Variants in SPTLC1 observed in about 807,000 individuals in gnomAD.
SPTLC1 encodes the protein serine palmitoyltransferase 1.
A neutral mutation model predicts 68.9 loss-of-function variants in SPTLC1; 55 were observed. That is an observed-to-expected ratio of 0.80 (90% CI 0.64 to 1.00). The LOEUF is 1.00. Ranked by LOEUF, SPTLC1 falls within the 50% of genes least tolerant of loss-of-function variation. The probability of loss-of-function intolerance (pLI) is 0.00; values close to 1 mark genes in which losing one functional copy is unlikely to be tolerated. For synonymous variants in SPTLC1, 197 were observed against 201.6 expected (o/e 0.98, Z 0.19); for missense variants, 449 against 573.1 (o/e 0.78, Z 2.21).
At chr9:92,072,460 G>T (rs753875248) in intron 5 of SPTLC1, among the ~76,000 whole-genome samples, 4 of 152,160 alleles carry the variant, frequency 2.6e-5, no homozygotes, top group African/African-American at 4.8e-5. Flanking sequence ...CCATTCGCCA[G>T]CCACACAACC....
chr9:92,100,356 T>C (rs1157385527), intron 3 of SPTLC1, among the ~76,000 whole-genome samples: 1 of 152,182 alleles, frequency 6.6e-6, no homozygotes, highest in Non-Finnish European at 1.5e-5. Context: ...CTGAGTATAT[T>C]CTGTTCCATG....
chr9:92,087,047 C>G (rs890860836), intron 3 of SPTLC1, among the ~76,000 whole-genome samples: 13 of 152,240 alleles, frequency 8.5e-5, no homozygotes, highest in Non-Finnish European at 1.9e-4. Flanking sequence ...GCTCCTGAGG[C>G]TTCTGCATTC....
intron 14 of SPTLC1, among the ~76,000 whole-genome samples, chr9:92,033,952 C>T (rs1833056376): frequency 6.6e-6 from 1 of 152,210 alleles, no homozygotes; most frequent in Non-Finnish European, 1.5e-5. Context: ...CCAGTGGGCT[C>T]TCCTGCAGCC....
In SPTLC1 at chr9:92,059,123, T is replaced by C. The variant is rs555276896; in HGVS notation, c.690+56A>G. ...TGACAAATTACCATTTCATATATAA[T>C]TTAGCTGGTTAGAAAGTACAAAAGA... On this transcript the variant is annotated intron_variant, in intron 7 of 14. Coordinates refer to ENST00000262554, the MANE Select transcript of SPTLC1 (RefSeq NM_006415.4). 14 of 1,591,206 alleles carry C rather than the reference T, an allele frequency of 8.8e-6. 1 individual carries two copies. In the East Asian group the frequency reaches 1.8e-4, roughly 20 times the overall value.
intron 6 of SPTLC1, among the ~76,000 whole-genome samples, chr9:92,061,162 A>G (rs1834087120): frequency 6.6e-6 from 1 of 152,220 alleles, no homozygotes. Context: ...GCTGAGCAAA[A>G]TCCATACGGA....
intron 3 of SPTLC1, among the ~76,000 whole-genome samples, chr9:92,098,213 T>G (rs1432880965): frequency 1.3e-5 from 2 of 152,092 alleles, no homozygotes; most frequent in African/African-American, 2.4e-5. Flanking sequence ...CATTTCCGGG[T>G]TCACCTTTCC....
intron 3 of SPTLC1, among the ~76,000 whole-genome samples, chr9:92,101,561 C>CAAA (rs61125464): frequency 2.0e-4 from 9 of 45,946 alleles, no homozygotes; most frequent in Admixed American, 6.8e-4. Context: ...GACTCCGTCT[C>CAAA]AAAAAAAAAA....
intron 7 of SPTLC1, among the ~76,000 whole-genome samples, chr9:92,058,942 T>C (rs1238270361): frequency 6.6e-6 from 1 of 152,184 alleles, no homozygotes; most frequent in African/African-American, 2.4e-5. Context: ...TCTCTTGATC[T>C]CTCAGAAAGC....
chr9:92,054,252 G>C (rs1833805703), intron 8 of SPTLC1, among the ~76,000 whole-genome samples: 2 of 152,324 alleles, frequency 1.3e-5, no homozygotes, highest in Middle Eastern at 3.4e-3. Flanking sequence ...TTGCACTCCA[G>C]CCTGGGCAAC....
At chr9:92,055,154 AGGGTAAGGCTGCAGTGAGCT>A (rs1833841763) in intron 8 of SPTLC1, 1 of 852,926 alleles carries the variant, frequency 1.2e-6, no homozygotes, top group Middle Eastern at 6.0e-4. Context: ...TGAGCCCAGG[AGGGTAAGGCTGCAGTGAGCT>A]GTGTTCACAC....
At chr9:92,070,552 T>A (rs1023554066) in intron 5 of SPTLC1, among the ~76,000 whole-genome samples, 1 of 152,178 alleles carries the variant, frequency 6.6e-6, no homozygotes, top group Non-Finnish European at 1.5e-5. Flanking sequence ...CACTTGCTTA[T>A]CTGCCTGTCT....
chr9:92,066,912 G>A (rs370094101), intron 6 of SPTLC1, among the ~76,000 whole-genome samples: 133 of 152,032 alleles, frequency 8.7e-4, no homozygotes, highest in African/African-American at 2.8e-3. Context: ...CCCGGGAGGC[G>A]GAGCTTGCTG....
intron 3 of SPTLC1, among the ~76,000 whole-genome samples, chr9:92,087,657 G>T (rs566006189): frequency 6.6e-6 from 1 of 152,296 alleles, no homozygotes; most frequent in South Asian, 2.1e-4. Context: ...GCCCCTACTG[G>T]GGGGTGCCTC....
At position 92,055,209 on chromosome 9, in the gene SPTLC1, G is replaced by C. The variant is rs565934309; in HGVS notation, c.780+196C>G. ...CCACTGCACTCCAGCCTGGGCAACA[G>C]AGCAGTCTTGATTACTCTTTGAAGG... On this transcript the variant is annotated intron_variant, in intron 8 of 14. Transcript: ENST00000262554. 1.3e-4 allele frequency: 131 copies of C among 985,236 alleles called. 3 individuals carry two copies. The South Asian group carries it at 5.6e-3, about 42-fold the overall frequency. 61.0% of individuals were successfully genotyped at this position (985,236 alleles called of 1,614,324 possible). A position where few individuals can be genotyped will look rare whatever the true frequency, so the allele number is the denominator to read the frequency against.
At chr9:92,048,953 T>C (rs916393251) in intron 9 of SPTLC1, among the ~76,000 whole-genome samples, 2 of 152,196 alleles carry the variant, frequency 1.3e-5, no homozygotes, top group South Asian at 2.1e-4. Context: ...TTCACAAAAC[T>C]ACAACAGTGA....
chr9:92,074,317 G>GC (rs1250409786), intron 5 of SPTLC1, among the ~76,000 whole-genome samples: 2 of 151,902 alleles, frequency 1.3e-5, no homozygotes, highest in Non-Finnish European at 2.9e-5. Flanking sequence ...ACCAAATCAG[G>GC]CAACACTCCT....
At position 92,032,497 on chromosome 9, in the gene SPTLC1, T is replaced by C. The variant is rs150207007; in HGVS notation, c.1390A>G (p.Ile464Val). Reference sequence around the variant, plus strand: ...AGGACGGCCTGGGCTACCTCCTTGATGGTGGACGCAGCTCTCTCCAGTTCT... The same window carrying C: ...AGGACGGCCTGGGCTACCTCCTTGACGGTGGACGCAGCTCTCTCCAGTTCT... ...EEELERAAST[I>V]KEVAQAVLL is the part of the protein sequence containing the mutation. The change falls in exon 15 of 15, where the codon ATC (isoleucine) becomes GTC (valine). Residue 464 changes from isoleucine to valine, a missense_variant. By Grantham distance (29) the Ile-to-Val change is conservative. Transcript: ENST00000262554. 3 of 1,614,038 alleles carry C rather than the reference T, an allele frequency of 1.9e-6. No individual in the cohort carries two copies. The highest frequency in any genetic ancestry group is 2.5e-6 in the Non-Finnish European group (3 of 1,180,018).
intron 8 of SPTLC1, among the ~76,000 whole-genome samples, chr9:92,052,675 G>A (rs145009750): frequency 0.014 from 2,057 of 151,776 alleles, 54 homozygotes; most frequent in African/African-American, 0.046. Flanking sequence ...GATTACAGGC[G>A]TGTACCACCA....
intron 5 of SPTLC1, among the ~76,000 whole-genome samples, chr9:92,068,347 C>A (rs1834365637): frequency 6.6e-6 from 1 of 152,216 alleles, no homozygotes; most frequent in Non-Finnish European, 1.5e-5. Flanking sequence ...GCAGTTCCAA[C>A]TTCTGGTTAT....
Sources: allele counts gnomAD v4.1 joint callset (sites outside exome capture counted in the v4.1 genomes callset), GRCh38; gene constraint gnomAD v4.1.1; transcripts MANE v1.5; gene names NCBI Gene and HGNC (gene_info 2026-07-23, HGNC 2026-07-21).